PPP1R42: variants seen among roughly 807,000 people sequenced by gnomAD.
PPP1R42 encodes the protein protein phosphatase 1 regulatory subunit 42.
PPP1R42 carries 34 observed loss-of-function variants against 31.0 expected under a neutral mutation model. The observed-to-expected ratio is 1.10, with a 90% CI of 0.83 to 1.46. PPP1R42 has a LOEUF of 1.46. Among genes scored for constraint, PPP1R42 ranks in the 40% most tolerant of loss-of-function variants. The pLI is 0.00. For missense variants in PPP1R42, 268 were observed against 303.0 expected (o/e 0.88, Z 0.86); for synonymous variants, 103 against 109.8 (o/e 0.94, Z 0.39).
intron 5 of PPP1R42, among the ~76,000 whole-genome samples, chr8:67,005,026 G>A (rs1446108805): frequency 6.6e-6 from 1 of 151,712 alleles, no homozygotes; most frequent in East Asian, 1.9e-4. Context: ...TTTGAGAGTA[G>A]AGCCTACTTG....
At chr8:66,968,380 C>A (rs1225468067) in intron 7 of PPP1R42, 5 of 673,386 alleles carry the variant, frequency 7.4e-6, no homozygotes, top group Non-Finnish European at 7.3e-6. Flanking sequence ...TGTGTAGAAC[C>A]CTAAAGGAGT....
intron 6 of PPP1R42, chr8:66,983,990 G>A (rs1814925668): frequency 5.0e-6 from 4 of 792,364 alleles, no homozygotes; most frequent in Non-Finnish European, 8.5e-6. Flanking sequence ...ACTGGGGAAG[G>A]GAGCAAGATA....
chr8:67,012,026 C>T (rs951835950), intron 4 of PPP1R42, among the ~76,000 whole-genome samples: 24 of 151,932 alleles, frequency 1.6e-4, no homozygotes, highest in African/African-American at 4.6e-4. Flanking sequence ...ATCCCAACAC[C>T]GTAATCCCAG....
At position 67,008,569 on chromosome 8, in the gene PPP1R42, G is replaced by A. The variant is rs186430109; in HGVS notation, c.552+2146C>T. Among the ~76,000 whole-genome samples, 20 of 152,146 alleles carry A rather than the reference G, an allele frequency of 1.3e-4. No homozygotes were observed. In the East Asian group the frequency reaches 3.1e-3, roughly 24 times the overall value. The stretch of plus-strand genomic sequence containing the variant: ...CTATAAATACAAAAATTAGCTGGGC[G>A]TGGTGGCACATGCCTGTAATCCCAG... On this transcript the variant is annotated intron_variant, in intron 5 of 7. Coordinates refer to ENST00000685739, the MANE Select transcript of PPP1R42 (RefSeq NM_001364910.1).
At chr8:67,007,578 C>T (rs1815724543) in intron 5 of PPP1R42, among the ~76,000 whole-genome samples, 1 of 152,086 alleles carries the variant, frequency 6.6e-6, no homozygotes, top group Non-Finnish European at 1.5e-5. Flanking sequence ...AACTCCTGGC[C>T]TCAAGTGATC....
intron 7 of PPP1R42, among the ~76,000 whole-genome samples, chr8:66,974,574 A>G (rs537988886): frequency 2.6e-5 from 4 of 152,318 alleles, no homozygotes; most frequent in Admixed American, 6.5e-5. Context: ...AATAAAAGCC[A>G]TCCTGACAGA....
intron 5 of PPP1R42, among the ~76,000 whole-genome samples, chr8:66,995,587 C>G (rs1377554877): frequency 6.6e-6 from 1 of 152,150 alleles, no homozygotes; most frequent in Non-Finnish European, 1.5e-5. Flanking sequence ...GGGCTGGGCT[C>G]TGGGTAACCC....
intron 2 of PPP1R42, among the ~76,000 whole-genome samples, chr8:67,014,802 G>A (rs181511974): frequency 1.3e-5 from 2 of 152,024 alleles, no homozygotes; most frequent in Non-Finnish European, 2.9e-5. Context: ...TAGAAATTCT[G>A]TAATTATATC....
At chr8:67,000,704 T>C (rs1328720340) in intron 5 of PPP1R42, among the ~76,000 whole-genome samples, 1 of 152,194 alleles carries the variant, frequency 6.6e-6, no homozygotes, top group East Asian at 1.9e-4. Context: ...AAATTCCACC[T>C]GCCTCAGCCT....
intron 7 of PPP1R42, among the ~76,000 whole-genome samples, chr8:66,972,327 C>T (rs918751817): frequency 2.0e-5 from 3 of 152,138 alleles, no homozygotes; most frequent in Non-Finnish European, 4.4e-5. Context: ...CTGAGAAAAG[C>T]TCAGAAAATT....
Position 67,010,850 on chromosome 8 carries a change from A to G in PPP1R42, c.436-19T>C, listed in dbSNP as rs1270282346. 2 of 1,554,704 alleles carry G rather than the reference A, an allele frequency of 1.3e-6. No homozygotes were observed. The highest frequency in any genetic ancestry group is 1.7e-6 in the Non-Finnish European group (2 of 1,146,490). Reference sequence around the variant, plus strand: ...GGGATTTCTGTAAGAAAAATAACGAAGTTAGCATTAGTAAATAGTCTAAAT... The same window carrying G: ...GGGATTTCTGTAAGAAAAATAACGAGGTTAGCATTAGTAAATAGTCTAAAT... On this transcript the variant is annotated intron_variant, in intron 4 of 7. Transcript: ENST00000685739.
chr8:66,984,969 T>G, intron 6 of PPP1R42: 1 of 1,553,628 alleles, frequency 6.4e-7, no homozygotes, highest in Non-Finnish European at 8.9e-7. Context: ...GGGCTGGATG[T>G]TCAACAAGAT....
At chr8:67,014,889 G>A (rs967996712) in intron 2 of PPP1R42, among the ~76,000 whole-genome samples, 1 of 152,136 alleles carries the variant, frequency 6.6e-6, no homozygotes, top group East Asian at 1.9e-4. Context: ...CTGGAAGTTG[G>A]AGCATTGAAT....
chr8:67,009,029 G>C (rs1490041758), intron 5 of PPP1R42, among the ~76,000 whole-genome samples: 1 of 152,206 alleles, frequency 6.6e-6, no homozygotes, highest in Non-Finnish European at 1.5e-5. Context: ...CCAGCACTTT[G>C]GGAGGCTGAG....
intron 1 of PPP1R42, among the ~76,000 whole-genome samples, chr8:67,026,481 A>G (rs1336710628): frequency 6.6e-6 from 1 of 152,154 alleles, no homozygotes; most frequent in East Asian, 1.9e-4. Context: ...TGATGGTAAG[A>G]ATGATACTTT....
chr8:66,988,579 G>A, intron 5 of PPP1R42, 62 bp from the exon 6 acceptor site: 1 of 1,413,496 alleles, frequency 7.1e-7, no homozygotes, highest in Non-Finnish European at 9.6e-7. Flanking sequence ...CTTCTAGCAT[G>A]TCAGTTATTG....
chr8:66,973,386 C>T (rs1056765166), intron 7 of PPP1R42, among the ~76,000 whole-genome samples: 2 of 152,010 alleles, frequency 1.3e-5, no homozygotes, highest in African/African-American at 4.8e-5. Flanking sequence ...TCACTGCAGC[C>T]TCTGCCTCCC....
At chr8:66,978,524 G>A (rs537117239) in intron 7 of PPP1R42, among the ~76,000 whole-genome samples, 106 of 152,234 alleles carry the variant, frequency 7.0e-4, no homozygotes, top group African/African-American at 2.3e-3. Context: ...GGGTTCAAGC[G>A]ATTCTCGTGC....
intron 7 of PPP1R42, among the ~76,000 whole-genome samples, chr8:66,981,622 C>G (rs1022459452): frequency 6.6e-6 from 1 of 152,038 alleles, no homozygotes; most frequent in African/African-American, 2.4e-5. Context: ...CTCAGGTGAT[C>G]CACCCGCCTC....
Sources: allele counts gnomAD v4.1 joint callset (sites outside exome capture counted in the v4.1 genomes callset), GRCh38; gene constraint gnomAD v4.1.1; transcripts MANE v1.5; gene names NCBI Gene and HGNC (gene_info 2026-07-23, HGNC 2026-07-21).